Variants in GRIN2B observed in about 807,000 individuals in gnomAD.
GRIN2B encodes the protein glutamate ionotropic receptor NMDA type subunit 2B, also known as glutamate receptor ionotropic, NMDA 2B.
GRIN2B carries 5 observed loss-of-function variants against 114.5 expected under a neutral mutation model. That is an observed-to-expected ratio of 0.04 (90% CI 0.02 to 0.09). The LOEUF is 0.09. Among genes scored for constraint, GRIN2B ranks in the 10% least tolerant of loss-of-function variants. The pLI is 1.00. For synonymous variants in GRIN2B, 787 were observed against 745.1 expected (o/e 1.06, Z -0.92); for missense variants, 1,108 against 1,943.5 (o/e 0.57, Z 8.08).
At chr12:13,892,769 C>T (rs987472416) in intron 2 of GRIN2B, among the ~76,000 whole-genome samples, 1 of 152,150 alleles carries the variant, frequency 6.6e-6, no homozygotes, top group African/African-American at 2.4e-5. Flanking sequence ...AACTGCAGCC[C>T]ACATAAATCA....
At chr12:13,956,069 A>G (rs528136282) in intron 2 of GRIN2B, among the ~76,000 whole-genome samples, 1 of 152,322 alleles carries the variant, frequency 6.6e-6, no homozygotes, top group South Asian at 2.1e-4. Flanking sequence ...GACACCTTGA[A>G]GAACTTACTT....
chr12:13,816,665 A>T (rs956813353), intron 3 of GRIN2B, among the ~76,000 whole-genome samples: 9 of 151,952 alleles, frequency 5.9e-5, no homozygotes, highest in Admixed American at 1.3e-4. Flanking sequence ...TCCAACACCC[A>T]CCTCCGTATC....
chr12:13,542,301 A>ACC lies in GRIN2B; in HGVS notation c.*20480_*20481dup, dbSNP rs796569703. On this transcript the variant is annotated 3_prime_UTR_variant, in exon 14 of 14. Coordinates refer to ENST00000609686, the MANE Select transcript of GRIN2B (RefSeq NM_000834.5). ...AGGTAAGTAAGAACAAATAATTATGACCCCCCCACAACGAGACTAGCTTAG... is the reference window on the plus strand; with the variant it reads ...AGGTAAGTAAGAACAAATAATTATGACCCCCCCCCACAACGAGACTAGCTTAG... The ACC allele has an allele frequency of 6.6e-6, 1 of 151,502 alleles. No individual in the cohort carries two copies. The highest frequency in any genetic ancestry group is 1.5e-5 in the Non-Finnish European group (1 of 67,896). 9.4% of individuals were successfully genotyped at this position (151,502 alleles called of 1,614,324 possible). A position where few individuals can be genotyped will look rare whatever the true frequency, so the allele number is the denominator to read the frequency against.
At position 13,833,417 on chromosome 12, in the gene GRIN2B, C is replaced by A. The variant is rs569216699; in HGVS notation, c.411+32381G>T. 2.6e-5 allele frequency among the ~76,000 whole-genome samples: 4 copies of A among 152,292 alleles called. 1 individual carries two copies. The South Asian group carries it at 8.3e-4, about 32-fold the overall frequency. ...ATCTCCTCTGCATATTGGCCTTTTG[C>A]TTATTCCAGTTTTGCTCTCCAGCCC... On this transcript the variant is annotated intron_variant, in intron 3 of 13. Coordinates refer to ENST00000609686, the MANE Select transcript of GRIN2B (RefSeq NM_000834.5).
intron 4 of GRIN2B, among the ~76,000 whole-genome samples, chr12:13,729,351 G>A (rs929084256): frequency 1.4e-4 from 22 of 152,178 alleles, no homozygotes; most frequent in South Asian, 2.1e-4. Flanking sequence ...AGTCATGTCC[G>A]AACTCATTCT....
At chr12:13,864,424 G>A (rs1865792391) in intron 3 of GRIN2B, among the ~76,000 whole-genome samples, 1 of 152,158 alleles carries the variant, frequency 6.6e-6, no homozygotes, top group African/African-American at 2.4e-5. Flanking sequence ...TGTCTTTTAA[G>A]TACAAAACTA....
At chr12:13,954,868 AC>A (rs1350001052) in intron 2 of GRIN2B, among the ~76,000 whole-genome samples, 1 of 144,866 alleles carries the variant, frequency 6.9e-6, no homozygotes, top group East Asian at 2.0e-4. Flanking sequence ...ATCTTATGAC[AC>A]AAAAGGAACA....
Position 13,562,910 on chromosome 12 carries a change from T to G in GRIN2B, c.4328A>C (p.Gln1443Pro), listed in dbSNP as rs1431504653. Residue 1443 changes from glutamine (Q) to proline (P), a missense_variant, in exon 14 of 14, where the codon CAG (glutamine) becomes CCG (proline). Gln to Pro is a moderately conservative substitution (Grantham distance 76). Coordinates refer to ENST00000609686, the MANE Select transcript of GRIN2B (RefSeq NM_000834.5). ...CTGGTTCCCTATACAGATGTCCTTCTGGAAACGGGCTGGCACGGCCCCATG... is the reference window on the plus strand; with the variant it reads ...CTGGTTCCCTATACAGATGTCCTTCGGGAAACGGGCTGGCACGGCCCCATG... ...ALHGAVPARF[Q>P]KDICIGNQSN... 6.2e-7 allele frequency: 1 copy of G among 1,614,190 alleles called. No homozygotes were observed. Among genetic ancestry groups the G allele is most frequent in the South Asian group, 1.1e-5 (1 of 91,082 alleles).
chr12:13,875,365 A>G (rs1385802538), intron 2 of GRIN2B, among the ~76,000 whole-genome samples: 4 of 152,102 alleles, frequency 2.6e-5, no homozygotes, highest in Non-Finnish European at 5.9e-5. Flanking sequence ...TGTCTCTAAT[A>G]AAAATACAAA....
At chr12:13,952,990 ATTGT>A (rs1307308208) in intron 2 of GRIN2B, among the ~76,000 whole-genome samples, 3 of 151,428 alleles carry the variant, frequency 2.0e-5, no homozygotes, top group Non-Finnish European at 4.4e-5. Context: ...CACAGCTGTG[ATTGT>A]TTGATTCATT....
rs1191539298 is a variant in GRIN2B, at chr12:13,571,876, G to C, written c.2099C>G (p.Ala700Gly). The C allele has an allele frequency of 1.4e-5, 23 of 1,614,038 alleles. No homozygotes were observed. Among genetic ancestry groups the C allele is most frequent in the Non-Finnish European group, 1.9e-5 (23 of 1,179,890 alleles). The change falls in exon 11 of 14, where the codon GCA becomes GGA. Residue 700 changes from alanine (A) to glycine (G), a missense_variant. Coordinates refer to ENST00000609686, the MANE Select transcript of GRIN2B (RefSeq NM_000834.5). The stretch of plus-strand genomic sequence containing the variant: ...CTTTCCCATGTAGGCATGCATTTCT[G>C]CATAGTTATTGCGAATATTTCTCTC... The part of the protein sequence containing the change: ...STERNIRNNY[A>G]EMHAYMGKFN...
At chr12:13,923,666 C>T (rs932780331) in intron 2 of GRIN2B, among the ~76,000 whole-genome samples, 3 of 152,188 alleles carry the variant, frequency 2.0e-5, no homozygotes, top group Admixed American at 1.3e-4. Context: ...AATACACTTG[C>T]TGTTTTCCAA....
At chr12:13,734,421 CGA>C (rs755771390) in intron 4 of GRIN2B, among the ~76,000 whole-genome samples, 3 of 152,074 alleles carry the variant, frequency 2.0e-5, no homozygotes, top group Non-Finnish European at 4.4e-5. Flanking sequence ...TTATAAAGCC[CGA>C]GACCATGGGA....
intron 2 of GRIN2B, among the ~76,000 whole-genome samples, chr12:13,889,130 A>AT (rs532662376): frequency 6.6e-6 from 1 of 152,064 alleles, no homozygotes; most frequent in African/African-American, 2.4e-5. Context: ...TGGCTTTTAG[A>AT]TTTTTTGTCA....
chr12:13,808,321 C>A (rs558321733), intron 3 of GRIN2B, among the ~76,000 whole-genome samples: 18 of 152,136 alleles, frequency 1.2e-4, no homozygotes, highest in Non-Finnish European at 2.2e-4. Context: ...TCCCAATTCA[C>A]ACAACTTTCT....
At chr12:13,883,515 G>A (rs1328071591) in intron 2 of GRIN2B, among the ~76,000 whole-genome samples, 2 of 151,930 alleles carry the variant, frequency 1.3e-5, no homozygotes, top group Non-Finnish European at 2.9e-5. Flanking sequence ...TTCAGTGGTA[G>A]CTCATTGTAG....
In GRIN2B at chr12:13,580,369, G is replaced by A. The variant is rs3026169; in HGVS notation, c.2011-8405C>T. Among the ~76,000 whole-genome samples, 41 of 152,286 alleles carry A rather than the reference G, an allele frequency of 2.7e-4. 1 individual carries two copies. The highest frequency in any genetic ancestry group is 1.2e-3 in the South Asian group (6 of 4,822). ...ACCAGTGCTGTGACCTTGCAGAGGCGGATATTGCACATCCTATTTGCAGGG... is the reference window on the plus strand; with the variant it reads ...ACCAGTGCTGTGACCTTGCAGAGGCAGATATTGCACATCCTATTTGCAGGG... On this transcript the variant is annotated intron_variant, in intron 10 of 13. Transcript: ENST00000609686.
At chr12:13,972,509 C>A (rs1292051923) in intron 2 of GRIN2B, among the ~76,000 whole-genome samples, 1 of 37,140 alleles carries the variant, frequency 2.7e-5, no homozygotes, top group African/African-American at 5.1e-5. Flanking sequence ...TTTAAAGACC[C>A]ATTACATATA....
chr12:13,687,358 A>G (rs527372651), intron 4 of GRIN2B, among the ~76,000 whole-genome samples: 2 of 152,186 alleles, frequency 1.3e-5, no homozygotes, highest in African/African-American at 2.4e-5. Context: ...GGTTCTCCTT[A>G]TACAACTCAG....
Sources: allele counts gnomAD v4.1 joint callset (sites outside exome capture counted in the v4.1 genomes callset), GRCh38; gene constraint gnomAD v4.1.1; transcripts MANE v1.5; gene names NCBI Gene and HGNC (gene_info 2026-07-23, HGNC 2026-07-21).